Variants in JADE1 observed in about 807,000 individuals in gnomAD.
JADE1 encodes the protein protein Jade-1.
In JADE1, 14 loss-of-function variants were observed where a neutral mutation model predicts 81.8. The ratio of observed to expected loss-of-function variants is 0.17; its 90% CI spans 0.11 to 0.27. The LOEUF is 0.27. Ranked by LOEUF, JADE1 falls within the 10% of genes least tolerant of loss-of-function variation. JADE1 has a pLI of 1.00. For synonymous variants in JADE1, 353 were observed against 391.9 expected, an observed-to-expected ratio of 0.90 and a Z score of 1.17; for missense variants, 690 against 1,047.9, an observed-to-expected ratio of 0.66 and a Z score of 4.71.
chr4:128,850,085 G>C (rs192000796), intron 5 of JADE1, among the ~76,000 whole-genome samples: 1 of 152,102 alleles, frequency 6.6e-6, no homozygotes, highest in Non-Finnish European at 1.5e-5. Flanking sequence ...CCTGAGGTCA[G>C]GACTTCAAGA....
chr4:128,831,719 T>C lies in JADE1; in HGVS notation c.-26-14T>C. 2 of 1,613,386 alleles carry C rather than the reference T, an allele frequency of 1.2e-6. No individual in the cohort carries two copies. The highest frequency in any genetic ancestry group is 2.2e-5 in the South Asian group (2 of 91,062). On this transcript the variant is annotated splice_polypyrimidine_tract_variant and intron_variant, in intron 1 of 10. Coordinates refer to ENST00000226319, the MANE Select transcript of JADE1 (RefSeq NM_199320.4). ...TTATCATCTTGGGTTAAGTGCTGTC[T>C]CATTGCTTTGCAGGCTGCCTGCTGT...
At chr4:128,859,288 GTGTA>G (rs1385697619) in intron 8 of JADE1, among the ~76,000 whole-genome samples, 3 of 152,018 alleles carry the variant, frequency 2.0e-5, no homozygotes, top group South Asian at 4.1e-4. Flanking sequence ...ATGTGGTTAT[GTGTA>G]TGTGTGTATG....
chr4:128,811,655 C>T (rs1056026645), intron 1 of JADE1, among the ~76,000 whole-genome samples: 1 of 94,824 alleles, frequency 1.1e-5, no homozygotes, highest in African/African-American at 4.7e-5. Flanking sequence ...GTTGCGGGGG[C>T]GGGGACGCCC....
chr4:128,825,619 T>TA (rs1418046985), intron 1 of JADE1, among the ~76,000 whole-genome samples: 1 of 152,208 alleles, frequency 6.6e-6, no homozygotes, highest in Non-Finnish European at 1.5e-5. Context: ...TTATAGCACT[T>TA]ACCACACTGA....
intron 1 of JADE1, among the ~76,000 whole-genome samples, chr4:128,830,018 C>T (rs976632986): frequency 1.3e-5 from 2 of 151,418 alleles, no homozygotes; most frequent in Admixed American, 1.3e-4. Flanking sequence ...GCTGGGATTA[C>T]AGATGCGCGC....
intron 1 of JADE1, among the ~76,000 whole-genome samples, chr4:128,830,457 C>T (rs761292357): frequency 2.6e-5 from 4 of 152,144 alleles, no homozygotes; most frequent in Non-Finnish European, 4.4e-5. Flanking sequence ...TGGTCTCCAA[C>T]TCCTGACCTC....
chr4:128,811,995 G>C (rs1188415190), intron 1 of JADE1: 1 of 152,138 alleles, frequency 6.6e-6, no homozygotes, highest in Non-Finnish European at 1.5e-5. Context: ...GGAGGGACTC[G>C]GGGAGGGGGA....
At chr4:128,867,662 G>T (rs1231682560) in intron 9 of JADE1, among the ~76,000 whole-genome samples, 194 bp from the exon 10 acceptor site, 1 of 152,148 alleles carries the variant, frequency 6.6e-6, no homozygotes, top group Non-Finnish European at 1.5e-5. Context: ...TATGTTGAGG[G>T]CTATATGTGG....
chr4:128,860,560 A>G (rs1303408580), intron 8 of JADE1, among the ~76,000 whole-genome samples: 1 of 152,220 alleles, frequency 6.6e-6, no homozygotes, highest in Non-Finnish European at 1.5e-5. Context: ...AGCCCCTGGC[A>G]TGCCCCGGTG....
chr4:128,870,714 T>C (rs1395860274), intron 10 of JADE1, among the ~76,000 whole-genome samples: 5 of 152,248 alleles, frequency 3.3e-5, no homozygotes, highest in Non-Finnish European at 7.3e-5. Flanking sequence ...AACATCAATT[T>C]AACTTACTTC....
At chr4:128,859,750 G>C (rs1283445890) in intron 8 of JADE1, among the ~76,000 whole-genome samples, 1 of 152,200 alleles carries the variant, frequency 6.6e-6, no homozygotes, top group African/African-American at 2.4e-5. Context: ...GGGCGAATGG[G>C]ATCTTTGTTT....
intron 1 of JADE1, among the ~76,000 whole-genome samples, chr4:128,824,714 C>A (rs1419516897): frequency 6.6e-6 from 1 of 152,120 alleles, no homozygotes. Flanking sequence ...CATAGTATTG[C>A]ATTGGGTGAT....
chr4:128,813,975 C>G (rs1207440410), intron 1 of JADE1, among the ~76,000 whole-genome samples: 1 of 151,440 alleles, frequency 6.6e-6, no homozygotes, highest in Non-Finnish European at 1.5e-5. Context: ...AGACTGCTTA[C>G]TAGTAAAAGT....
At chr4:128,819,677 A>G (rs1280672112) in intron 1 of JADE1, among the ~76,000 whole-genome samples, 1 of 152,258 alleles carries the variant, frequency 6.6e-6, no homozygotes, top group Non-Finnish European at 1.5e-5. Flanking sequence ...GTGCTTCACT[A>G]TGCAAAATGA....
chr4:128,873,295 A>G lies in JADE1; in HGVS notation c.*1033A>G, dbSNP rs1323809404. 1 of 152,032 alleles carries G rather than the reference A, an allele frequency of 6.6e-6. No homozygotes were observed. The highest frequency in any genetic ancestry group is 1.5e-5 in the Non-Finnish European group (1 of 68,104). 9.4% of individuals were successfully genotyped at this position (152,032 alleles called of 1,614,324 possible). A position where few individuals can be genotyped will look rare whatever the true frequency, so the allele number is the denominator to read the frequency against. ...AAAGAAAAAAAGAAAAAAAAAAGAA[A>G]AAAGAAAAAAAGAGAAAAAAGCGAA... is the stretch of plus-strand genomic sequence containing the variant. On this transcript the variant is annotated 3_prime_UTR_variant, in exon 11 of 11. Transcript: ENST00000226319.
intron 5 of JADE1, among the ~76,000 whole-genome samples, chr4:128,851,187 T>C (rs1475958848): frequency 4.6e-5 from 7 of 152,256 alleles, no homozygotes; most frequent in Non-Finnish European, 5.9e-5. Context: ...TGCAAAGTAC[T>C]GGGATTATAG....
intron 7 of JADE1, among the ~76,000 whole-genome samples, chr4:128,856,851 G>A (rs1730835415): frequency 6.6e-6 from 1 of 152,186 alleles, no homozygotes; most frequent in South Asian, 2.1e-4. Context: ...ATGCAGAGAT[G>A]ATACCTTATT....
rs530905507 is a variant in JADE1, at chr4:128,827,177, A to C, written c.-26-4556A>C. Among the ~76,000 whole-genome samples the C allele has an allele frequency of 5.8e-4, 89 of 152,256 alleles. 1 individual carries two copies. The highest frequency in any genetic ancestry group is 1.6e-4 in the Non-Finnish European group (11 of 68,008). ...TCTCCATCCCCCTCTGCAAGATCCC[A>C]TTGCAGTGTTCCCTGTACCTACCAC... On this transcript the variant is annotated intron_variant, in intron 1 of 10. Transcript: ENST00000226319.
At chr4:128,810,593 C>A (rs747540161) in intron 1 of JADE1, among the ~76,000 whole-genome samples, 1 of 151,298 alleles carries the variant, frequency 6.6e-6, no homozygotes, top group Non-Finnish European at 1.5e-5. Context: ...TGTGTGAGAC[C>A]GTGTGTGTGG....
Sources: allele counts gnomAD v4.1 joint callset (sites outside exome capture counted in the v4.1 genomes callset), GRCh38; gene constraint gnomAD v4.1.1; transcripts MANE v1.5; gene names NCBI Gene and HGNC (gene_info 2026-07-23, HGNC 2026-07-21).